Variants in GRM8 observed in about 807,000 individuals in gnomAD.
GRM8 encodes metabotropic glutamate receptor 8.
GRM8 carries 47 observed loss-of-function variants against 87.2 expected under a neutral mutation model. The observed-to-expected ratio is 0.54, with a 90% CI of 0.43 to 0.69. The LOEUF (loss-of-function observed/expected upper bound fraction) is 0.69. Ranked by LOEUF, GRM8 falls within the 30% of genes least tolerant of loss-of-function variation. GRM8 has a pLI of 0.00. For synonymous variants in GRM8, 396 were observed against 404.5 expected (o/e 0.98, Z 0.25); for missense variants, 1,019 against 1,139.2 (o/e 0.89, Z 1.52).
At chr7:126,528,634 G>C (rs1814304572) in intron 9 of GRM8, among the ~76,000 whole-genome samples, 1 of 151,962 alleles carries the variant, frequency 6.6e-6, no homozygotes, top group East Asian at 1.9e-4. Flanking sequence ...GTGTGTGTGT[G>C]TGTGTGTGTG....
intron 7 of GRM8, among the ~76,000 whole-genome samples, chr7:126,640,286 T>C (rs910661839): frequency 4.6e-5 from 7 of 152,204 alleles, no homozygotes; most frequent in South Asian, 2.1e-4. Flanking sequence ...AAGATATTTA[T>C]GATTGTCATT....
chr7:126,811,520 A>G (rs1171061645), intron 6 of GRM8, among the ~76,000 whole-genome samples: 3 of 151,844 alleles, frequency 2.0e-5, no homozygotes, highest in Non-Finnish European at 4.4e-5. Flanking sequence ...CCATTTTTTA[A>G]TGTCATCTAC....
At chr7:127,218,571 G>A (rs763959520) in intron 2 of GRM8, among the ~76,000 whole-genome samples, 2 of 152,214 alleles carry the variant, frequency 1.3e-5, no homozygotes, top group Non-Finnish European at 2.9e-5. Context: ...TGAGTAAAAT[G>A]CTGAGAAGGG....
At chr7:126,909,264 G>C (rs1235105465) in intron 3 of GRM8, among the ~76,000 whole-genome samples, 1 of 152,162 alleles carries the variant, frequency 6.6e-6, no homozygotes, top group Non-Finnish European at 1.5e-5. Flanking sequence ...ATTATATACT[G>C]TTAGAATTTG....
At chr7:126,833,897 C>T (rs371370091) in intron 6 of GRM8, among the ~76,000 whole-genome samples, 6 of 152,044 alleles carry the variant, frequency 3.9e-5, no homozygotes, top group South Asian at 2.1e-4. Flanking sequence ...ATCTGGGAGG[C>T]GGACAGAAAA....
At chr7:126,503,959 C>T (rs746107209) in intron 9 of GRM8, among the ~76,000 whole-genome samples, 2 of 152,014 alleles carry the variant, frequency 1.3e-5, no homozygotes, top group African/African-American at 2.4e-5. Context: ...CCTAATTCAC[C>T]GCAGTCTTTG....
At chr7:127,172,273 C>A (rs971870202) in intron 2 of GRM8, among the ~76,000 whole-genome samples, 1 of 152,038 alleles carries the variant, frequency 6.6e-6, no homozygotes, top group Non-Finnish European at 1.5e-5. Context: ...ATAATTGGTT[C>A]TTTCCCTTTG....
intron 3 of GRM8, among the ~76,000 whole-genome samples, chr7:127,047,179 A>T (rs12670940): frequency 0.055 from 8,432 of 152,244 alleles, 279 homozygotes; most frequent in South Asian, 0.13. Context: ...CCATCTGATA[A>T]CATATTACCC....
chr7:126,643,319 AATATATATATATATAT>A (rs1198296006), intron 7 of GRM8, among the ~76,000 whole-genome samples: 10 of 36,202 alleles, frequency 2.8e-4, no homozygotes, highest in South Asian at 1.3e-3. Flanking sequence ...AAAAAAAAAA[AATATATATATATATAT>A]ATATATATAT....
chr7:126,739,901 G>C (rs1814744652), intron 7 of GRM8, among the ~76,000 whole-genome samples: 1 of 151,962 alleles, frequency 6.6e-6, no homozygotes, highest in Non-Finnish European at 1.5e-5. Context: ...TGCTGTACAG[G>C]TATATAGCCT....
At chr7:127,182,763 G>A (rs1372321995) in intron 2 of GRM8, among the ~76,000 whole-genome samples, 1 of 151,386 alleles carries the variant, frequency 6.6e-6, no homozygotes, top group African/African-American at 2.4e-5. Context: ...AGATGAGATT[G>A]GAGACGATTA....
At chr7:126,627,211 T>C (rs1423240374) in intron 7 of GRM8, among the ~76,000 whole-genome samples, 1 of 152,230 alleles carries the variant, frequency 6.6e-6, no homozygotes, top group Non-Finnish European at 1.5e-5. Context: ...GCTAGCTCAG[T>C]GGTTGAGGTG....
At chr7:127,218,113 G>A (rs1328923657) in intron 2 of GRM8, among the ~76,000 whole-genome samples, 1 of 152,180 alleles carries the variant, frequency 6.6e-6, no homozygotes, top group Non-Finnish European at 1.5e-5. Context: ...CACCCTCAAG[G>A]AGAGAACCAC....
rs764552738 is a variant in GRM8 at position 126,902,611 on chromosome 7, A to G, written c.1087T>C (p.Trp363Arg). Residue 363 changes from tryptophan to arginine, a missense_variant, in exon 6 of 11, where the codon TGG becomes CGG. Physicochemically the swap from Trp to Arg is moderately radical, Grantham distance 101. Transcript: ENST00000339582. ...AACTTGCAGCCAAAATTCTCCTCCC[A>G]GAATTCTGCAAACCACACATTTCTT... Reference protein sequence around the residue: ...NRRNVWFAEFWEENFGCKLGS... With the variant: ...NRRNVWFAEFREENFGCKLGS... The G allele has an allele frequency of 6.2e-7, 1 of 1,611,128 alleles. No homozygotes were observed. The highest frequency in any genetic ancestry group is 2.2e-5 in the East Asian group (1 of 44,750).
chr7:126,485,481 A>T (rs967131997), intron 9 of GRM8, among the ~76,000 whole-genome samples: 6 of 151,960 alleles, frequency 3.9e-5, no homozygotes, highest in African/African-American at 1.4e-4. Context: ...TAATTGCAAT[A>T]TGTGAAATGA....
intron 9 of GRM8, among the ~76,000 whole-genome samples, chr7:126,523,350 T>C (rs747838684): frequency 3.3e-5 from 5 of 152,154 alleles, no homozygotes; most frequent in Non-Finnish European, 7.3e-5. Flanking sequence ...TGTTTTTTTG[T>C]TTTGTTTTTC....
chr7:126,602,260 TC>T (rs1300434680), intron 8 of GRM8, among the ~76,000 whole-genome samples: 1 of 146,406 alleles, frequency 6.8e-6, no homozygotes, highest in African/African-American at 2.5e-5. Flanking sequence ...CGGCATTATT[TC>T]TGAGGGCTCT....
At chr7:126,909,734 C>G (rs1179278795) in intron 3 of GRM8, among the ~76,000 whole-genome samples, 2 of 152,152 alleles carry the variant, frequency 1.3e-5, no homozygotes, top group Non-Finnish European at 2.9e-5. Flanking sequence ...TCACTCCTTT[C>G]CAGTCTCATT....
At chr7:126,762,706 T>C (rs918370371) in intron 7 of GRM8, among the ~76,000 whole-genome samples, 3 of 151,952 alleles carry the variant, frequency 2.0e-5, no homozygotes, top group Non-Finnish European at 2.9e-5. Context: ...CAATATATTG[T>C]TGGTGGGTTT....
Sources: allele counts gnomAD v4.1 joint callset (sites outside exome capture counted in the v4.1 genomes callset), GRCh38; gene constraint gnomAD v4.1.1; transcripts MANE v1.5; gene names NCBI Gene and HGNC (gene_info 2026-07-23, HGNC 2026-07-21).